Variants in ZBTB20 observed in about 807,000 individuals in gnomAD.
ZBTB20 encodes the protein zinc finger and BTB domain containing 20.
In ZBTB20, 9 loss-of-function variants were observed where a neutral mutation model predicts 56.9. That is an observed-to-expected ratio of 0.16 (90% CI 0.10 to 0.28). The LOEUF (loss-of-function observed/expected upper bound fraction) is 0.28, where lower values mean the gene tolerates loss of function less well. ZBTB20 is among the 10% of genes least tolerant of loss of function. The probability of loss-of-function intolerance (pLI) is 1.00; values close to 1 mark genes in which losing one functional copy is unlikely to be tolerated. For missense variants in ZBTB20, 655 were observed against 1,003.0 expected, an observed-to-expected ratio of 0.65 and a Z score of 4.69; for synonymous variants, 417 against 420.7, an observed-to-expected ratio of 0.99 and a Z score of 0.11.
Position 114,939,265 on chromosome 3 carries a change from G to A in ZBTB20, c.-456+35101C>T, listed in dbSNP as rs939358590. Among the ~76,000 whole-genome samples, 6 of 146,262 alleles carry A rather than the reference G, an allele frequency of 4.1e-5. 1 individual carries two copies. The highest frequency in any genetic ancestry group is 1.7e-4 in the African/African-American group (6 of 35,986). On this transcript the variant is annotated intron_variant, in intron 3 of 11. Coordinates refer to ENST00000675478, the MANE Select transcript of ZBTB20 (RefSeq NM_001348800.3). ...AGCTTTATGAACAAAGATGCTCATC[G>A]CAGTCTTTTAAAAAATAATTGAAAG...
chr3:114,793,009 G>C (rs986259765), intron 5 of ZBTB20, among the ~76,000 whole-genome samples: 1 of 151,402 alleles, frequency 6.6e-6, no homozygotes, highest in Non-Finnish European at 1.5e-5. Flanking sequence ...CCAAGTAGCT[G>C]GGATTTCAGG....
chr3:114,829,112 A>G (rs2073704783), intron 4 of ZBTB20, among the ~76,000 whole-genome samples: 1 of 151,790 alleles, frequency 6.6e-6, no homozygotes, highest in Admixed American at 6.6e-5. Flanking sequence ...GGTGCTTCTC[A>G]AAAAGGGCTC....
intron 5 of ZBTB20, among the ~76,000 whole-genome samples, chr3:114,720,737 T>C (rs1424673447): frequency 2.6e-5 from 4 of 152,204 alleles, no homozygotes; most frequent in Admixed American, 2.0e-4. Context: ...CATATACTAA[T>C]TGTATATCTA....
chr3:114,917,504 T>G (rs1468292043), intron 3 of ZBTB20, among the ~76,000 whole-genome samples: 1 of 152,160 alleles, frequency 6.6e-6, no homozygotes, highest in African/African-American at 2.4e-5. Flanking sequence ...CCACCCTTCT[T>G]GGGGAAGCAT....
At position 114,515,469 on chromosome 3, in the gene ZBTB20, T is replaced by C. The variant is rs536010967; in HGVS notation, c.-294-15078A>G. Reference sequence around the variant, plus strand: ...ACAAAACTGTACAGCTTGATGCTCCTGCAGAATTACGGTTTCCAGCATAAG... The same window carrying C: ...ACAAAACTGTACAGCTTGATGCTCCCGCAGAATTACGGTTTCCAGCATAAG... On this transcript the variant is annotated intron_variant, in intron 6 of 11. Coordinates refer to ENST00000675478, the MANE Select transcript of ZBTB20 (RefSeq NM_001348800.3). Among the ~76,000 whole-genome samples the C allele has an allele frequency of 1.6e-4, 25 of 152,336 alleles. 1 individual carries two copies. The highest frequency in any genetic ancestry group is 1.0e-3 in the Admixed American group (16 of 15,306).
chr3:114,760,611 AAATAAACTTATTAAGAAAC>A (rs1363566621), intron 5 of ZBTB20, among the ~76,000 whole-genome samples: 1 of 152,232 alleles, frequency 6.6e-6, no homozygotes, highest in African/African-American at 2.4e-5. Flanking sequence ...CAGGATTTAA[AAATAAACTTATTAAGAAAC>A]AAATGTTCCC....
intron 3 of ZBTB20, among the ~76,000 whole-genome samples, chr3:114,949,494 G>A (rs529534789): frequency 2.0e-5 from 3 of 146,376 alleles, no homozygotes; most frequent in Admixed American, 6.6e-5. Flanking sequence ...AAGGTCAGGC[G>A]CGGCGGCTCA....
At chr3:114,490,746 A>G (rs915500339) in intron 7 of ZBTB20, among the ~76,000 whole-genome samples, 1 of 152,266 alleles carries the variant, frequency 6.6e-6, no homozygotes, top group Non-Finnish European at 1.5e-5. Context: ...TAATGGGAGA[A>G]ATCAAAGTTG....
intron 6 of ZBTB20, among the ~76,000 whole-genome samples, chr3:114,536,502 T>C (rs951721996): frequency 1.4e-4 from 22 of 152,158 alleles, no homozygotes; most frequent in African/African-American, 5.3e-4. Context: ...CACAAACAAA[T>C]GGAAAAACAT....
At chr3:114,826,354 C>A (rs902254878) in intron 4 of ZBTB20, among the ~76,000 whole-genome samples, 1 of 151,618 alleles carries the variant, frequency 6.6e-6, no homozygotes, top group Admixed American at 6.6e-5. Context: ...TCTCCCCCCA[C>A]AAAATTTAAT....
chr3:115,112,877 T>C (rs930615032), intron 1 of ZBTB20, among the ~76,000 whole-genome samples: 6 of 152,200 alleles, frequency 3.9e-5, no homozygotes, highest in Non-Finnish European at 1.5e-5. Flanking sequence ...CATACTGTTT[T>C]TCATAGGGGC....
chr3:114,581,895 T>A (rs2107488661), intron 6 of ZBTB20, among the ~76,000 whole-genome samples: 1 of 152,298 alleles, frequency 6.6e-6, no homozygotes, highest in South Asian at 2.1e-4. Context: ...TCTTAAAGTT[T>A]AGCATTTCTA....
At chr3:114,681,222 C>T (rs972551339) in intron 6 of ZBTB20, among the ~76,000 whole-genome samples, 24 of 147,742 alleles carry the variant, frequency 1.6e-4, no homozygotes, top group Non-Finnish European at 3.4e-4. Flanking sequence ...TGCAGTGGTG[C>T]GATCTTGGCT....
intron 1 of ZBTB20, among the ~76,000 whole-genome samples, chr3:115,121,088 A>G (rs953995573): frequency 2.0e-5 from 3 of 152,084 alleles, no homozygotes; most frequent in Admixed American, 2.0e-4. Flanking sequence ...GCCTGGACTG[A>G]CCACACTAAA....
intron 5 of ZBTB20, among the ~76,000 whole-genome samples, chr3:114,745,598 T>C (rs966243983): frequency 1.2e-4 from 18 of 152,190 alleles, no homozygotes; most frequent in African/African-American, 4.1e-4. Context: ...TTTCTGTTCC[T>C]GATCTCTAAA....
At chr3:115,138,950 C>T (rs759057127) in intron 1 of ZBTB20, among the ~76,000 whole-genome samples, 5 of 151,388 alleles carry the variant, frequency 3.3e-5, no homozygotes, top group Non-Finnish European at 5.9e-5. Context: ...TCAGTTAACA[C>T]TAAAACCAGC....
chr3:115,078,360 T>C (rs577861071), intron 1 of ZBTB20, among the ~76,000 whole-genome samples: 2 of 152,130 alleles, frequency 1.3e-5, no homozygotes, highest in African/African-American at 2.4e-5. Flanking sequence ...AAACTATATA[T>C]AAAGTGTGCC....
intron 6 of ZBTB20, among the ~76,000 whole-genome samples, chr3:114,505,350 C>T (rs1045002630): frequency 2.0e-5 from 3 of 152,074 alleles, no homozygotes; most frequent in Non-Finnish European, 4.4e-5. Flanking sequence ...ATAACTCACA[C>T]CAAAATTGGT....
intron 4 of ZBTB20, among the ~76,000 whole-genome samples, chr3:114,817,520 A>AAAATAAATAAAT (rs35530713): frequency 6.3e-5 from 9 of 143,124 alleles, no homozygotes; most frequent in African/African-American, 1.3e-4. Flanking sequence ...CTCTGTCTCA[A>AAAATAAATAAAT]AAATAAATAA....
Sources: allele counts gnomAD v4.1 joint callset (sites outside exome capture counted in the v4.1 genomes callset), GRCh38; gene constraint gnomAD v4.1.1; transcripts MANE v1.5; gene names NCBI Gene and HGNC (gene_info 2026-07-23, HGNC 2026-07-21).